Variants in ALK observed in about 807,000 individuals in gnomAD.
The protein encoded by ALK is ALK receptor tyrosine kinase.
In ALK, 74 loss-of-function variants were observed where a neutral mutation model predicts 163.1. The observed-to-expected ratio is 0.45, with a 90% CI of 0.38 to 0.55. The LOEUF is 0.55. ALK is among the 20% of genes least tolerant of loss of function. The pLI is 0.00. For synonymous variants in ALK, 960 were observed against 843.2 expected (o/e 1.14, Z -2.40); for missense variants, 2,063 against 2,105.3 (o/e 0.98, Z 0.39).
chr2:29,449,349 GGTAA>G (rs1670766226), intron 4 of ALK, among the ~76,000 whole-genome samples: 1 of 152,196 alleles, frequency 6.6e-6, no homozygotes, highest in African/African-American at 2.4e-5. Context: ...CTAGTGGGTG[GGTAA>G]GTGAGTGGAA....
intron 1 of ALK, among the ~76,000 whole-genome samples, chr2:29,783,065 A>G (rs1442693220): frequency 6.6e-6 from 1 of 152,218 alleles, no homozygotes; most frequent in Non-Finnish European, 1.5e-5. Context: ...AGCCAGTGCA[A>G]GGCGTTTGTC....
rs181085975 is a variant in ALK at position 29,383,948 on chromosome 2, G to T, written c.1155-89C>A. 1.2e-5 allele frequency: 18 copies of T among 1,540,400 alleles called. 1 individual carries two copies. The East Asian group carries it at 4.1e-4, about 35-fold the overall frequency. ...ATGTGGACAGGGTCATGTCCTTGCA[G>T]GGACTTCAGGACTCACATTCTTCAT... On this transcript the variant is annotated intron_variant, in intron 4 of 28. Transcript: ENST00000389048.
intron 5 of ALK, among the ~76,000 whole-genome samples, chr2:29,349,549 G>A (rs1023064256): frequency 6.6e-6 from 1 of 152,150 alleles, no homozygotes; most frequent in Non-Finnish European, 1.5e-5. Flanking sequence ...AAACAACTCC[G>A]CTTCCAGGAA....
chr2:29,218,336 G>T (rs918096917), intron 23 of ALK, among the ~76,000 whole-genome samples: 6 of 152,180 alleles, frequency 3.9e-5, no homozygotes, highest in Non-Finnish European at 8.8e-5. Context: ...CCAAGGACAG[G>T]CCCCCTCCCC....
intron 25 of ALK, 58 bp from the exon 26 acceptor site, chr2:29,207,330 C>T (rs2148152431): frequency 7.4e-7 from 1 of 1,349,418 alleles, no homozygotes. Flanking sequence ...AAGCATCTGC[C>T]CTGCTGGGAA....
At chr2:29,585,678 T>C (rs1674865914) in intron 3 of ALK, among the ~76,000 whole-genome samples, 1 of 152,182 alleles carries the variant, frequency 6.6e-6, no homozygotes, top group African/African-American at 2.4e-5. Flanking sequence ...CAAATTTTTA[T>C]CTTGATTTTT....
intron 3 of ALK, 59 bp downstream of exon 3, chr2:29,694,791 A>G: frequency 6.3e-7 from 1 of 1,599,642 alleles, no homozygotes; most frequent in Non-Finnish European, 8.6e-7. Context: ...TCAAACAGAA[A>G]TAGGTATTCC....
At chr2:29,300,792 C>T (rs1666347201) in intron 8 of ALK, among the ~76,000 whole-genome samples, 1 of 152,092 alleles carries the variant, frequency 6.6e-6, no homozygotes, top group Admixed American at 6.6e-5. Flanking sequence ...TGCTTACAAC[C>T]CCAACAAGTC....
intron 3 of ALK, among the ~76,000 whole-genome samples, chr2:29,655,029 G>A (rs1027663070): frequency 2.0e-5 from 3 of 148,286 alleles, no homozygotes; most frequent in Non-Finnish European, 4.4e-5. Flanking sequence ...ATCTTCAAAA[G>A]CTGAAAGTAT....
At chr2:29,711,272 C>G (rs1466299935) in intron 2 of ALK, among the ~76,000 whole-genome samples, 1 of 152,166 alleles carries the variant, frequency 6.6e-6, no homozygotes, top group African/African-American at 2.4e-5. Flanking sequence ...CACCTTTGCA[C>G]ATGCATCCCT....
At chr2:29,315,402 C>T (rs1182162326) in intron 8 of ALK, among the ~76,000 whole-genome samples, 7 of 152,164 alleles carry the variant, frequency 4.6e-5, no homozygotes, top group Non-Finnish European at 1.0e-4. Context: ...CTCTTCTCCC[C>T]CGCCTCCATC....
In ALK at chr2:29,228,915, G is replaced by GCC; in HGVS notation, c.2783_2784insGG (p.Cys928TrpfsTer12). The GCC allele has an allele frequency of 3.2e-6, 5 of 1,577,382 alleles. No homozygotes were observed. The highest frequency in any genetic ancestry group is 1.1e-5 in the South Asian group (1 of 90,350). ...ATCCTCCGCCTCCTCCACCTGAGGA[G>GCC]CACCCCCCTCCACCCCCTCCGAAAC... On this transcript the variant is annotated frameshift_variant, in exon 16 of 29. Coordinates refer to ENST00000389048, the MANE Select transcript of ALK (RefSeq NM_004304.5). LOFTEE classifies it high-confidence loss of function.
chr2:29,238,845 A>G (rs1332889146), intron 13 of ALK, among the ~76,000 whole-genome samples: 1 of 152,220 alleles, frequency 6.6e-6, no homozygotes, highest in East Asian at 1.9e-4. Context: ...CCGAGGAACA[A>G]CTAGATTTCA....
At chr2:29,888,847 C>G (rs4584987) in intron 1 of ALK, among the ~76,000 whole-genome samples, 1 of 152,034 alleles carries the variant, frequency 6.6e-6, no homozygotes, top group Admixed American at 6.6e-5. Context: ...ATGTTGTTAC[C>G]GTAACATCCA....
intron 1 of ALK, among the ~76,000 whole-genome samples, chr2:29,865,114 G>A (rs1391953497): frequency 6.6e-6 from 1 of 152,196 alleles, no homozygotes; most frequent in African/African-American, 2.4e-5. Context: ...GGGGTGTTCT[G>A]GTTCAACAAA....
intron 4 of ALK, among the ~76,000 whole-genome samples, chr2:29,505,214 C>G (rs1405971662): frequency 6.6e-6 from 1 of 152,124 alleles, no homozygotes. Context: ...TGTGAATTCT[C>G]TACTGGGTGG....
At chr2:29,811,239 C>G (rs1209123758) in intron 1 of ALK, among the ~76,000 whole-genome samples, 2 of 152,110 alleles carry the variant, frequency 1.3e-5, no homozygotes, top group African/African-American at 4.8e-5. Flanking sequence ...CTGACTCCCC[C>G]CCTTTGAAAC....
intron 5 of ALK, among the ~76,000 whole-genome samples, chr2:29,341,139 T>A (rs185091371): frequency 6.6e-6 from 1 of 152,364 alleles, no homozygotes; most frequent in Admixed American, 6.5e-5. Flanking sequence ...GTTCATAATA[T>A]AAAATTAGTA....
In ALK at chr2:29,260,926, G is replaced by A. The variant is rs749568337; in HGVS notation, c.2042-9659C>T. On this transcript the variant is annotated intron_variant, in intron 11 of 28. Coordinates refer to ENST00000389048, the MANE Select transcript of ALK (RefSeq NM_004304.5). Reference sequence around the variant, plus strand: ...CTGTTTCTTTCCTTCACTTTTATCTGGACATTCTCTTATTTATTCTCTATT... The same window carrying A: ...CTGTTTCTTTCCTTCACTTTTATCTAGACATTCTCTTATTTATTCTCTATT... 4.0e-5 allele frequency among the ~76,000 whole-genome samples: 6 copies of A among 151,766 alleles called. No homozygotes were observed. The South Asian group carries it at 1.3e-3, about 32-fold the overall frequency.
Sources: gnomAD v4.1 joint callset for allele counts (sites outside exome capture counted in the v4.1 genomes callset) on GRCh38, gnomAD v4.1.1 for gene constraint, MANE v1.5 for transcripts, NCBI Gene and HGNC (gene_info 2026-07-23, HGNC 2026-07-21) for gene names.